SPECC1: variants seen among roughly 807,000 people sequenced by gnomAD.
SPECC1 encodes the protein cytospin-B.
A neutral mutation model predicts 104.1 loss-of-function variants in SPECC1; 62 were observed. The observed-to-expected ratio is 0.60, with a 90% CI of 0.49 to 0.74. The LOEUF is 0.74. SPECC1 is among the 30% of genes least tolerant of loss of function. The probability of loss-of-function intolerance (pLI) is 0.00; values close to 1 mark genes in which losing one functional copy is unlikely to be tolerated. For synonymous variants in SPECC1, 513 were observed against 501.6 expected (o/e 1.02, Z -0.30); for missense variants, 1,306 against 1,310.5 (o/e 1.00, Z 0.05).
chr17:20,227,742 C>T (rs1386684040), intron 5 of SPECC1, 122 bp downstream of exon 5: 2 of 852,540 alleles, frequency 2.3e-6, no homozygotes, highest in Admixed American at 6.2e-5. Context: ...ATGGTGAAAC[C>T]CTGTCTCTAC....
chr17:20,181,296 A>G (rs2034869674), intron 3 of SPECC1, among the ~76,000 whole-genome samples: 1 of 152,106 alleles, frequency 6.6e-6, no homozygotes, highest in African/African-American at 2.4e-5. Context: ...AGAAAGGTAA[A>G]AGCTGAAATG....
At chr17:20,197,775 A>T (rs974981592) in intron 3 of SPECC1, among the ~76,000 whole-genome samples, 1 of 152,202 alleles carries the variant, frequency 6.6e-6, no homozygotes, top group Non-Finnish European at 1.5e-5. Context: ...CTTATCTTGA[A>T]AAGTGGGCCT....
intron 1 of SPECC1, among the ~76,000 whole-genome samples, chr17:20,094,502 C>T (rs927598753): frequency 2.0e-5 from 3 of 152,078 alleles, no homozygotes; most frequent in African/African-American, 7.2e-5. Flanking sequence ...AAACATCCAC[C>T]CTCTTCCTGC....
intron 12 of SPECC1, among the ~76,000 whole-genome samples, chr17:20,263,563 G>GA (rs1006624513): frequency 4.7e-5 from 7 of 148,730 alleles, no homozygotes; most frequent in Admixed American, 6.7e-5. Context: ...GAAGGAGAAA[G>GA]AAAAAAAAAG....
chr17:20,120,830 C>T (rs778084653), intron 3 of SPECC1, among the ~76,000 whole-genome samples: 2 of 152,130 alleles, frequency 1.3e-5, no homozygotes, highest in African/African-American at 2.4e-5. Context: ...CTGATCTGTC[C>T]TCAGGGAGAA....
At chr17:20,197,088 T>C (rs2036088397) in intron 3 of SPECC1, among the ~76,000 whole-genome samples, 1 of 152,210 alleles carries the variant, frequency 6.6e-6, no homozygotes, top group Admixed American at 6.5e-5. Context: ...GTTGTAAGAT[T>C]TTTCATTTGC....
rs575024663 is a variant in SPECC1, at chr17:20,315,366, C to T, written c.*1301C>T. 4.3e-5 allele frequency: 10 copies of T among 232,998 alleles called. No individual in the cohort carries two copies. Among genetic ancestry groups the T allele is most frequent in the Admixed American group, 2.2e-4 (4 of 17,782 alleles). 14.4% of individuals were successfully genotyped at this position (232,998 alleles called of 1,614,324 possible). A position where few individuals can be genotyped will look rare whatever the true frequency, so the allele number is the denominator to read the frequency against. ...GCAGCAGAGCCCTCCCCAGCGGTGC[C>T]CCAGTCCCTCAGAAGTGCTCAGTCC... On this transcript the variant is annotated 3_prime_UTR_variant, in exon 15 of 15. Coordinates refer to ENST00000395527, the MANE Select transcript of SPECC1 (RefSeq NM_001243439.2).
chr17:20,116,803 CTTTTTTTTTT>C (rs58127201), intron 3 of SPECC1, among the ~76,000 whole-genome samples: 9,987 of 50,156 alleles, frequency 0.2, 466 homozygotes, highest in Admixed American at 0.23. Context: ...TGTCTGGAGA[CTTTTTTTTTT>C]TTTTTTTTTT....
chr17:20,023,105 G>C (rs1292396126), intron 1 of SPECC1, among the ~76,000 whole-genome samples: 2 of 152,178 alleles, frequency 1.3e-5, no homozygotes, highest in African/African-American at 4.8e-5. Context: ...AACTTTTTCT[G>C]TGAAGAGCTA....
rs2049487531 is a variant in SPECC1 at position 20,129,399 on chromosome 17, A to C, written c.283+18837A>C. On this transcript the variant is annotated intron_variant, in intron 3 of 14. Transcript: ENST00000395527. Reference sequence around the variant, plus strand: ...GACGGGGTTTTACCCCGTGTTAGCCAGGATGGTCTCAATCTCCTGACCTCG... The same window carrying C: ...GACGGGGTTTTACCCCGTGTTAGCCCGGATGGTCTCAATCTCCTGACCTCG... Among the ~76,000 whole-genome samples, 3 of 151,124 alleles carry C rather than the reference A, an allele frequency of 2.0e-5. No individual in the cohort carries two copies. The South Asian group carries it at 6.3e-4, about 32-fold the overall frequency.
At chr17:20,103,948 C>T (rs1223458796) in intron 2 of SPECC1, among the ~76,000 whole-genome samples, 5 of 152,120 alleles carry the variant, frequency 3.3e-5, no homozygotes, top group Non-Finnish European at 5.9e-5. Context: ...AAAGGGAGCC[C>T]CACCCTCTGC....
intron 1 of SPECC1, among the ~76,000 whole-genome samples, chr17:20,066,305 A>C (rs995549973): frequency 6.6e-6 from 1 of 152,156 alleles, no homozygotes; most frequent in African/African-American, 2.4e-5. Flanking sequence ...TCTCCTAGTT[A>C]TTTTTAGGGT....
chr17:20,156,096 G>A, intron 3 of SPECC1: 2 of 1,352,074 alleles, frequency 1.5e-6, no homozygotes, highest in Non-Finnish European at 9.5e-7. Context: ...GAGCGGACCC[G>A]CCGGACGCAA....
At chr17:20,141,264 T>G (rs770189156) in intron 3 of SPECC1, among the ~76,000 whole-genome samples, 10 of 152,146 alleles carry the variant, frequency 6.6e-5, no homozygotes, top group Non-Finnish European at 1.0e-4. Context: ...CTATACTGCT[T>G]CTCCTGCCTA....
At chr17:20,303,802 A>C (rs1224189811) in intron 13 of SPECC1, among the ~76,000 whole-genome samples, 1 of 151,904 alleles carries the variant, frequency 6.6e-6, no homozygotes, top group Non-Finnish European at 1.5e-5. Flanking sequence ...AAAATACAAA[A>C]ATTAGCCAGG....
intron 3 of SPECC1, among the ~76,000 whole-genome samples, chr17:20,190,644 C>G (rs140275991): frequency 6.6e-6 from 1 of 152,230 alleles, no homozygotes; most frequent in African/African-American, 2.4e-5. Flanking sequence ...GCTCAGAGTC[C>G]GTGGTTTACA....
At chr17:20,299,580 G>GA (rs1458566076) in intron 13 of SPECC1, among the ~76,000 whole-genome samples, 1 of 92,458 alleles carries the variant, frequency 1.1e-5, no homozygotes, top group African/African-American at 4.4e-5. Flanking sequence ...AAAAAAAAAA[G>GA]AAAAGAAAAA....
At chr17:20,133,340 G>T (rs775556794) in intron 3 of SPECC1, among the ~76,000 whole-genome samples, 1 of 151,610 alleles carries the variant, frequency 6.6e-6, no homozygotes, top group African/African-American at 2.4e-5. Flanking sequence ...ACAAATACAC[G>T]TACCTAGGAC....
In SPECC1 at chr17:20,204,967, A is replaced by T. The variant is rs2036677006; in HGVS notation, c.918A>T (p.Gly306=). 6.2e-7 allele frequency: 1 copy of T among 1,614,070 alleles called. No homozygotes were observed. Among genetic ancestry groups the T allele is most frequent in the Non-Finnish European group, 8.5e-7 (1 of 1,180,034 alleles). The change falls in exon 4 of 15, where the codon GGA becomes GGT. Residue 306 remains glycine (G), a synonymous_variant. Transcript: ENST00000395527. ...ATGAGTATAAAAAAAACATACATGG[A>T]AATGCATTACGGACATCAGGCTCCT... ...DIDEYKKNIH[G]NALRTSGSSS...
Sources: allele counts gnomAD v4.1 joint callset (sites outside exome capture counted in the v4.1 genomes callset), GRCh38; gene constraint gnomAD v4.1.1; transcripts MANE v1.5; gene names NCBI Gene and HGNC (gene_info 2026-07-23, HGNC 2026-07-21).